DFFB: variants seen among roughly 807,000 people sequenced by gnomAD.
The protein encoded by DFFB is DNA fragmentation factor 40 kDa subunit.
A neutral mutation model predicts 32.7 loss-of-function variants in DFFB; 29 were observed. The observed-to-expected ratio is 0.89, with a 90% CI of 0.66 to 1.21. The LOEUF is 1.21. Ranked by LOEUF, DFFB falls within the 50% of genes most tolerant of loss-of-function variation. The pLI is 0.00. For missense variants in DFFB, 398 were observed against 440.6 expected (o/e 0.90, Z 0.87); for synonymous variants, 170 against 177.1 (o/e 0.96, Z 0.32).
At chr1:3,861,225 T>C (rs1433972324) in intron 2 of DFFB, among the ~76,000 whole-genome samples, 4 of 152,150 alleles carry the variant, frequency 2.6e-5, no homozygotes, top group Non-Finnish European at 4.4e-5. Flanking sequence ...TGAGCCTTTT[T>C]CACTCCACAT....
At chr1:3,864,760 G>A (rs1557711218) in intron 2 of DFFB, among the ~76,000 whole-genome samples, 1 of 151,756 alleles carries the variant, frequency 6.6e-6, no homozygotes, top group Non-Finnish European at 1.5e-5. Context: ...TGGTTGCCAG[G>A]TTGGTCTCAA....
chr1:3,859,556 T>A (rs947270697), intron 2 of DFFB, among the ~76,000 whole-genome samples: 1 of 152,036 alleles, frequency 6.6e-6, no homozygotes. Context: ...AGGAAGGACA[T>A]GGGTGCTCTG....
Position 3,869,727 on chromosome 1 carries a change from C to T in DFFB, c.633C>T (p.Ala211=), listed in dbSNP as rs1570918751. ...QYNGSYFDRG[A]KGGSRLCTPE... is the part of the protein sequence containing the mutation. ...ATGGCAGCTACTTCGACAGAGGAGC[C>T]AAGGGCGGCAGCCGCCTCTGCACAC... The change falls in exon 5 of 7, where the codon GCC becomes GCT. Residue 211 remains alanine, a synonymous_variant. Transcript: ENST00000378209. 6.2e-7 allele frequency: 1 copy of T among 1,610,922 alleles called. No homozygotes were observed. Among genetic ancestry groups the T allele is most frequent in the Non-Finnish European group, 8.5e-7 (1 of 1,178,420 alleles).
intron 2 of DFFB, chr1:3,860,500 AT>A: frequency 2.3e-6 from 1 of 436,394 alleles, no homozygotes; most frequent in South Asian, 1.6e-5. Flanking sequence ...AAGTGCTGGG[AT>A]TACAGGTATG....
chr1:3,881,410 A>G (rs954547136), intron 6 of DFFB, among the ~76,000 whole-genome samples: 2 of 152,104 alleles, frequency 1.3e-5, no homozygotes, highest in African/African-American at 4.8e-5. Context: ...CTTAATGGCT[A>G]TGGCAGGGGT....
chr1:3,879,442 T>G (rs1292134746), intron 6 of DFFB, among the ~76,000 whole-genome samples: 1 of 152,128 alleles, frequency 6.6e-6, no homozygotes, highest in Non-Finnish European at 1.5e-5. Context: ...TGTGACTGCA[T>G]CAGGCGATAA....
chr1:3,859,345 G>A (rs150441284), intron 2 of DFFB, among the ~76,000 whole-genome samples: 12 of 152,254 alleles, frequency 7.9e-5, no homozygotes, highest in South Asian at 4.1e-4. Context: ...TGGTTCTTTC[G>A]GGGCATCTGT....
chr1:3,863,794 G>A (rs1644922618), intron 2 of DFFB, among the ~76,000 whole-genome samples: 2 of 152,060 alleles, frequency 1.3e-5, no homozygotes, highest in Admixed American at 6.6e-5. Flanking sequence ...TAGAGAGATG[G>A]AAAATAGATT....
intron 4 of DFFB, among the ~76,000 whole-genome samples, chr1:3,868,924 T>G (rs919235432): frequency 1.3e-5 from 2 of 152,362 alleles, no homozygotes; most frequent in South Asian, 4.1e-4. Context: ...CCATGTTCCC[T>G]TGCATTTCCC....
rs539950493 is a variant in DFFB, at chr1:3,883,888, G to A, written c.*147G>A. ...CTTAAAAAATGTTTCCTCCAAATCT[G>A]ATTTCATTACATTTCTGAATTGTTG... On this transcript the variant is annotated 3_prime_UTR_variant, in exon 7 of 7. Transcript: ENST00000378209. 1.6e-5 allele frequency: 10 copies of A among 637,510 alleles called. No homozygotes were observed. Among genetic ancestry groups the A allele is most frequent in the Non-Finnish European group, 2.5e-5 (9 of 364,552 alleles). 39.5% of individuals were successfully genotyped at this position (637,510 alleles called of 1,614,324 possible).
At chr1:3,867,317 G>A (rs144427224) in intron 3 of DFFB, among the ~76,000 whole-genome samples, 27 of 152,296 alleles carry the variant, frequency 1.8e-4, no homozygotes, top group Admixed American at 1.3e-3. Context: ...TACATGCCAC[G>A]CTCCGTCTGT....
chr1:3,882,045 G>A (rs1202004666), intron 6 of DFFB, among the ~76,000 whole-genome samples: 1 of 152,124 alleles, frequency 6.6e-6, no homozygotes, highest in Admixed American at 6.5e-5. Flanking sequence ...ACATCATGTT[G>A]TGTGTGTATG....
rs1205245338 is a variant in DFFB, at chr1:3,858,736, C to T, written c.133C>T (p.Arg45Trp). 1.9e-6 allele frequency: 3 copies of T among 1,614,104 alleles called. No homozygotes were observed. Among genetic ancestry groups the T allele is most frequent in the Non-Finnish European group, 2.5e-6 (3 of 1,180,024 alleles). The change falls in exon 2 of 7, where the codon CGG (arginine) becomes TGG (tryptophan). Residue 45 changes from arginine (R) to tryptophan (W), a missense_variant. Physicochemically the swap from Arg to Trp is moderately radical, Grantham distance 101. Coordinates refer to ENST00000378209, the MANE Select transcript of DFFB (RefSeq NM_004402.4). ...LRFQLPERGS[R>W]LCLYEDGTEL... ...CCTGCAGCTCCCTGAGCGCGGTTCC[C>T]GGCTGTGCCTGTACGAGGATGGCAC...
intron 5 of DFFB, 126 bp from the exon 6 acceptor site, chr1:3,872,346 G>A (rs534338172): frequency 3.5e-4 from 231 of 658,206 alleles, no homozygotes; most frequent in African/African-American, 2.9e-3. Flanking sequence ...ACGGGAGGCG[G>A]AGGTTGTAGT....
At chr1:3,868,127 G>C in intron 4 of DFFB, 74 bp downstream of exon 4, 1 of 1,351,964 alleles carries the variant, frequency 7.4e-7, no homozygotes, top group Admixed American at 1.7e-5. Context: ...GAAGCCTGTG[G>C]TCCTCACGAT....
Position 3,858,770 on chromosome 1 carries a change from CG to C in DFFB, c.169del (p.Glu57LysfsTer26), listed in dbSNP as rs772537088. The C allele has an allele frequency of 1.2e-6, 2 of 1,614,182 alleles. No individual in the cohort carries two copies. The highest frequency in any genetic ancestry group is 1.6e-4 in the Middle Eastern group (1 of 6,062). ...LCLYEDGTELTEDYFPSVPDN... is the reference protein window; with the variant it reads ...LCLYEDGTELXEDYFPSVPDN... Reference sequence around the variant, plus strand: ...CTGTACGAGGATGGCACGGAGCTGACGGAAGATTACTTCCCCAGTGTTCCCG... The same window carrying C: ...CTGTACGAGGATGGCACGGAGCTGACGAAGATTACTTCCCCAGTGTTCCCG... On this transcript the variant is annotated frameshift_variant, in exon 2 of 7. Transcript: ENST00000378209. LOFTEE classifies it high-confidence loss of function.
chr1:3,870,518 C>T (rs1005959196), intron 5 of DFFB, among the ~76,000 whole-genome samples: 4 of 152,242 alleles, frequency 2.6e-5, no homozygotes, highest in Non-Finnish European at 4.4e-5. Flanking sequence ...TTAGACTTTG[C>T]AGTGCGCTCG....
At chr1:3,875,472 C>T (rs77730683) in intron 6 of DFFB, among the ~76,000 whole-genome samples, 15 of 152,266 alleles carry the variant, frequency 9.9e-5, no homozygotes, top group Middle Eastern at 3.4e-3. Flanking sequence ...AGGCTGCTCT[C>T]GAGTGTCCCA....
intron 2 of DFFB, among the ~76,000 whole-genome samples, chr1:3,862,976 C>T (rs1259299736): frequency 1.3e-5 from 2 of 152,248 alleles, no homozygotes; most frequent in South Asian, 2.1e-4. Flanking sequence ...TGGTGAAACC[C>T]CGTCTCTACT....
Sources: gnomAD v4.1 joint callset for allele counts (sites outside exome capture counted in the v4.1 genomes callset) on GRCh38, gnomAD v4.1.1 for gene constraint, MANE v1.5 for transcripts, NCBI Gene and HGNC (gene_info 2026-07-23, HGNC 2026-07-21) for gene names.